HUWE1: variants seen among roughly 807,000 people sequenced by gnomAD.
HUWE1 encodes E3 ubiquitin-protein ligase HUWE1.
HUWE1 carries 18 observed loss-of-function variants against 299.4 expected under a neutral mutation model. That is an observed-to-expected ratio of 0.06 (90% confidence interval 0.04 to 0.09). The LOEUF is 0.09. Among genes scored for constraint, HUWE1 ranks in the 10% least tolerant of loss-of-function variants. The pLI, the probability that HUWE1 is intolerant of heterozygous loss-of-function variation, is 1.00. For synonymous variants in HUWE1, 1,317 were observed against 1,286.1 expected (o/e 1.02, Z -0.51); for missense variants, 1,832 against 3,462.3 (o/e 0.53, Z 11.82).
At chrX:53,633,280 CA>C (rs1489949201) in intron 8 of HUWE1, among the ~76,000 whole-genome samples, 1 of 112,315 alleles carries the variant, frequency 8.9e-6, no homozygotes, top group Admixed American at 9.4e-5. Context: ...AAGAAGTTAC[CA>C]CTGCATACCT....
intron 47 of HUWE1, among the ~76,000 whole-genome samples, chrX:53,570,432 C>CA (rs1160056487): frequency 2.7e-5 from 3 of 112,501 alleles, no homozygotes; most frequent in Non-Finnish European, 5.6e-5. Context: ...GCTGAGGATT[C>CA]AAACCTTGAT....
At chrX:53,601,703 T>C (rs1225624161) in intron 28 of HUWE1, among the ~76,000 whole-genome samples, 1 of 106,508 alleles carries the variant, frequency 9.4e-6, no homozygotes, top group African/African-American at 3.4e-5. Context: ...TGTTTCGCTC[T>C]TGTTGCCCAG....
intron 19 of HUWE1, 77 bp from the exon 20 acceptor site, chrX:53,617,523 A>C: frequency 1.7e-6 from 1 of 603,359 alleles, no homozygotes; most frequent in Non-Finnish European, 2.8e-6. Context: ...AAAGCTTAAA[A>C]AAAAATACAT....
At chrX:53,614,776 T>A in intron 22 of HUWE1, 31 bp from the exon 23 acceptor site, 10 of 999,895 alleles carry the variant, frequency 1.0e-5, no homozygotes, top group Non-Finnish European at 1.4e-5. Context: ...GATTACTTAT[T>A]AGTAATCATG....
chrX:53,561,348 T>C (rs1418114087), intron 55 of HUWE1, among the ~76,000 whole-genome samples: 1 of 112,623 alleles, frequency 8.9e-6, no homozygotes, highest in Non-Finnish European at 1.9e-5. Context: ...TATGTTCAAA[T>C]CTGCTCCCCA....
At chrX:53,624,296 T>C (rs1557014972) in intron 19 of HUWE1, among the ~76,000 whole-genome samples, 1 of 111,867 alleles carries the variant, frequency 8.9e-6, no homozygotes, top group African/African-American at 3.3e-5. Flanking sequence ...CTCTGTGTTT[T>C]ATATCCTTGC....
chrX:53,534,464 C>T (rs781881262), intron 82 of HUWE1, 52 bp downstream of exon 82: 114 of 1,076,846 alleles, frequency 1.1e-4, no homozygotes, highest in Admixed American at 4.5e-4. Context: ...CACAAACTAG[C>T]GTTGCCTAGG....
intron 39 of HUWE1, 108 bp downstream of exon 39, chrX:53,586,382 T>C (rs1488199731): frequency 7.7e-6 from 4 of 521,069 alleles, no homozygotes; most frequent in African/African-American, 7.1e-5. Context: ...GATTTATACA[T>C]TGGTCAGAGA....
Position 53,561,069 on chromosome X carries a change from A to AT in HUWE1, c.7508-654dup, listed in dbSNP as rs1556940623. Among the ~76,000 whole-genome samples the AT allele has an allele frequency of 3.6e-5, 4 of 111,739 alleles. No homozygotes were observed. The South Asian group carries it at 1.1e-3, about 31-fold the overall frequency. ...TCTTCAAAGTTATCTAATCCAACCC[A>AT]TTTTTTTCTCGAACTTTTCATTTAC... On this transcript the variant is annotated intron_variant, in intron 55 of 83. Coordinates refer to ENST00000262854, the MANE Select transcript of HUWE1 (RefSeq NM_031407.7).
At chrX:53,629,431 T>C (rs1462086427) in intron 13 of HUWE1, 85 bp downstream of exon 13, 2 of 596,813 alleles carry the variant, frequency 3.4e-6, no homozygotes, top group South Asian at 2.3e-5. Flanking sequence ...AAATATCCCC[T>C]CCCCCCCCAA....
At position 53,534,829 on chromosome X, in the gene HUWE1, C is replaced by A. The variant is rs1393503156; in HGVS notation, c.12650-132G>T. 16 of 542,474 alleles carry A rather than the reference C, an allele frequency of 2.9e-5. No individual in the cohort carries two copies. The Admixed American group carries it at 5.0e-4, about 17-fold the overall frequency. 44.7% of individuals were successfully genotyped at this position (542,474 alleles called of 1,213,427 possible). On this transcript the variant is annotated intron_variant, in intron 81 of 83. Coordinates refer to ENST00000262854, the MANE Select transcript of HUWE1 (RefSeq NM_031407.7). ...CATGCACCACCACAACTGGTTAATT[C>A]TGCCCAGGCTAGTCTCAACCCCCTG... is the stretch of plus-strand genomic sequence containing the variant.
In HUWE1 at chrX:53,544,547, T is replaced by C. The variant is rs2061477126; in HGVS notation, c.11251+13A>G. On this transcript the variant is annotated intron_variant, in intron 72 of 83. Coordinates refer to ENST00000262854, the MANE Select transcript of HUWE1 (RefSeq NM_031407.7). ...CCAACCCTTCCCCTCAACTGGACACTCTAGTTCCATACCTAGCCTGCCTGT... is the reference window on the plus strand; with the variant it reads ...CCAACCCTTCCCCTCAACTGGACACCCTAGTTCCATACCTAGCCTGCCTGT... The C allele has an allele frequency of 1.7e-6, 2 of 1,191,705 alleles. No homozygotes were observed. The highest frequency in any genetic ancestry group is 2.2e-5 in the Admixed American group (1 of 45,321).
At chrX:53,589,233 C>A (rs1297385609) in intron 36 of HUWE1, among the ~76,000 whole-genome samples, 1 of 111,808 alleles carries the variant, frequency 8.9e-6, no homozygotes, top group African/African-American at 3.3e-5. Context: ...GTTGTTCAAG[C>A]GGCTGTTACA....
At chrX:53,616,885 TA>T in intron 21 of HUWE1, 84 bp downstream of exon 21, 2 of 825,774 alleles carry the variant, frequency 2.4e-6, no homozygotes, top group Non-Finnish European at 3.5e-6. Context: ...ACCTAACCAG[TA>T]AAACGATGAG....
intron 12 of HUWE1, 142 bp from the exon 13 acceptor site, chrX:53,629,758 A>G: frequency 2.2e-6 from 1 of 449,599 alleles, no homozygotes. Context: ...CACCAAATTA[A>G]ATTCTGAAGG....
intron 74 of HUWE1, among the ~76,000 whole-genome samples, chrX:53,540,777 ACACAAC>A (rs1556917923): frequency 9.0e-6 from 1 of 111,472 alleles, no homozygotes; most frequent in Non-Finnish European, 1.9e-5. Context: ...AAGCAGCAAG[ACACAAC>A]CCCATCTTCT....
At chrX:53,621,235 T>G (rs1344704369) in intron 19 of HUWE1, among the ~76,000 whole-genome samples, 1 of 110,251 alleles carries the variant, frequency 9.1e-6, no homozygotes, top group Non-Finnish European at 1.9e-5. Context: ...AATATCTTTG[T>G]GGAATATTCT....
chrX:53,545,867 CTA>C (rs1556922250), intron 70 of HUWE1, among the ~76,000 whole-genome samples: 1 of 111,178 alleles, frequency 9.0e-6, no homozygotes, highest in Non-Finnish European at 1.9e-5. Context: ...TAGACAGACT[CTA>C]TGTTGAAAGA....
chrX:53,542,265 C>T (rs1451871782), intron 74 of HUWE1, among the ~76,000 whole-genome samples, 178 bp downstream of exon 74: 2 of 111,994 alleles, frequency 1.8e-5, no homozygotes, highest in African/African-American at 3.2e-5. Flanking sequence ...TCCTTTACTA[C>T]AGGAAAGAAA....
Sources: allele counts gnomAD v4.1 joint callset (sites outside exome capture counted in the v4.1 genomes callset), GRCh38; gene constraint gnomAD v4.1.1; transcripts MANE v1.5; gene names NCBI Gene and HGNC (gene_info 2026-07-23, HGNC 2026-07-21).